The following NR1H4 variants were observed in gnomAD, a reference collection of about 807,000 sequenced individuals.
NR1H4 encodes the protein bile acid receptor.
NR1H4 carries 23 observed loss-of-function variants against 58.5 expected under a neutral mutation model. The ratio of observed to expected loss-of-function variants is 0.39; its 90% CI spans 0.28 to 0.56. NR1H4 has a LOEUF of 0.56. NR1H4 is among the 20% of genes least tolerant of loss of function. The pLI, the probability that NR1H4 is intolerant of heterozygous loss-of-function variation, is 0.58. For synonymous variants in NR1H4, 214 were observed against 198.0 expected (o/e 1.08, Z -0.68); for missense variants, 487 against 576.9 (o/e 0.84, Z 1.60).
chr12:100,481,520 T>TC (rs971197109), intron 1 of NR1H4, among the ~76,000 whole-genome samples: 3 of 152,280 alleles, frequency 2.0e-5, no homozygotes, highest in African/African-American at 4.8e-5. Context: ...ACTCCTGTAA[T>TC]CCCAGCACTT....
intron 9 of NR1H4, among the ~76,000 whole-genome samples, chr12:100,553,091 C>T (rs994809558): frequency 3.3e-5 from 5 of 152,020 alleles, no homozygotes; most frequent in Admixed American, 2.6e-4. Context: ...CTCCGTCTCT[C>T]GGGTTCAAGC....
intron 9 of NR1H4, among the ~76,000 whole-genome samples, chr12:100,559,414 A>G (rs1228278537): frequency 6.6e-6 from 1 of 152,186 alleles, no homozygotes; most frequent in Non-Finnish European, 1.5e-5. Context: ...GGCTGCGTGC[A>G]GCGCTTGCAG....
At chr12:100,538,396 A>C (rs1249891647) in intron 8 of NR1H4, among the ~76,000 whole-genome samples, 1 of 152,188 alleles carries the variant, frequency 6.6e-6, no homozygotes, top group Non-Finnish European at 1.5e-5. Context: ...AGAAACAAAA[A>C]GAAGAGAGAT....
At chr12:100,479,012 C>T (rs551430101) in intron 1 of NR1H4, among the ~76,000 whole-genome samples, 1 of 152,224 alleles carries the variant, frequency 6.6e-6, no homozygotes, top group Admixed American at 6.5e-5. Context: ...TGTTTACTGG[C>T]CACTTGTGTT....
intron 4 of NR1H4, among the ~76,000 whole-genome samples, chr12:100,518,472 T>A (rs573477104): frequency 1.1e-4 from 16 of 152,190 alleles, no homozygotes; most frequent in African/African-American, 3.6e-4. Flanking sequence ...TGATTTTGAT[T>A]TGAGACGTTG....
At chr12:100,517,615 T>C (rs1464384660) in intron 4 of NR1H4, among the ~76,000 whole-genome samples, 1 of 152,210 alleles carries the variant, frequency 6.6e-6, no homozygotes, top group African/African-American at 2.4e-5. Flanking sequence ...CATACTGTTT[T>C]CCATTATGAC....
At chr12:100,544,502 G>A (rs1465565695) in intron 9 of NR1H4, among the ~76,000 whole-genome samples, 2 of 152,022 alleles carry the variant, frequency 1.3e-5, no homozygotes, top group Admixed American at 6.6e-5. Flanking sequence ...TGTTGAAATA[G>A]ACTTCATAAC....
intron 3 of NR1H4, among the ~76,000 whole-genome samples, chr12:100,495,132 T>A (rs1953686239): frequency 6.6e-6 from 1 of 152,250 alleles, no homozygotes. Context: ...CTGTGCCTTC[T>A]GCTTTTATGG....
chr12:100,554,392 A>AACACACACACACACACAC (rs60582622), intron 9 of NR1H4, among the ~76,000 whole-genome samples: 4 of 148,104 alleles, frequency 2.7e-5, no homozygotes, highest in African/African-American at 9.9e-5. Context: ...ACTTGTAAAT[A>AACACACACACACACACAC]ACACACACAC....
In NR1H4 at chr12:100,504,918, T is replaced by C. The variant is rs537713777; in HGVS notation, c.80-5860T>C. Among the ~76,000 whole-genome samples the C allele has an allele frequency of 5.3e-5, 8 of 152,006 alleles. No individual in the cohort carries two copies. The East Asian group carries it at 1.6e-3, about 29-fold the overall frequency. ...GAAGTGTGTACAGAGGTAGGAGAGG[T>C]GAATTCCACCTGGGGGAACTGGGGC... On this transcript the variant is annotated intron_variant, in intron 3 of 10. Coordinates refer to ENST00000392986, the MANE Select transcript of NR1H4 (RefSeq NM_001206979.2).
intron 4 of NR1H4, among the ~76,000 whole-genome samples, chr12:100,521,452 C>T (rs1348795456): frequency 1.3e-5 from 2 of 152,130 alleles, no homozygotes; most frequent in East Asian, 3.9e-4. Flanking sequence ...AACCTCAAAC[C>T]TCAACCAACA....
At position 100,497,574 on chromosome 12, in the gene NR1H4, TC is replaced by T. The variant is rs951736593; in HGVS notation, c.79+4173del. On this transcript the variant is annotated intron_variant, in intron 3 of 10. Coordinates refer to ENST00000392986, the MANE Select transcript of NR1H4 (RefSeq NM_001206979.2). ...CAAATCCAGACGGAAATCTAGCCCG[TC>T]GGTAACTGAATCCACGTAGAGGCCT... is the stretch of plus-strand genomic sequence containing the variant. Among the ~76,000 whole-genome samples, 48 of 152,280 alleles carry T rather than the reference TC, an allele frequency of 3.2e-4. No individual in the cohort carries two copies. The Middle Eastern group carries it at 0.01, about 32-fold the overall frequency.
chr12:100,553,734 C>G (rs1371775674), intron 9 of NR1H4, among the ~76,000 whole-genome samples: 1 of 152,208 alleles, frequency 6.6e-6, no homozygotes, highest in Non-Finnish European at 1.5e-5. Context: ...CATCTTTCTG[C>G]TTTGCTATCC....
chr12:100,506,157 C>A (rs895017703), intron 3 of NR1H4, among the ~76,000 whole-genome samples: 2 of 152,052 alleles, frequency 1.3e-5, no homozygotes, highest in Non-Finnish European at 2.9e-5. Flanking sequence ...TATTAACTAT[C>A]AATTAACTAT....
chr12:100,536,928 GT>G lies in NR1H4; in HGVS notation c.832-13del. 1 of 1,353,352 alleles carries G rather than the reference GT, an allele frequency of 7.4e-7. No homozygotes were observed. Among genetic ancestry groups the G allele is most frequent in the Non-Finnish European group, 1.0e-6 (1 of 965,180 alleles). The allele number at this position is 1,353,352 out of a possible 1,614,324, so 83.8% of individuals were successfully genotyped here. On this transcript the variant is annotated intron_variant, in intron 7 of 10. Transcript: ENST00000392986. ...TTTCTTATCTACTTTTTAATCATTG[GT>G]TTTTTTCTTAAAATTTAGTTAAAAG...
At chr12:100,551,800 T>A (rs1209816295) in intron 9 of NR1H4, among the ~76,000 whole-genome samples, 2 of 152,224 alleles carry the variant, frequency 1.3e-5, no homozygotes, top group Non-Finnish European at 2.9e-5. Flanking sequence ...GGATACCAGT[T>A]AATGGCTGCT....
intron 9 of NR1H4, among the ~76,000 whole-genome samples, chr12:100,543,819 T>C (rs933548430): frequency 6.6e-6 from 1 of 152,130 alleles, no homozygotes. Context: ...TGGGTATAAT[T>C]GTTGTTTTAG....
chr12:100,507,111 A>G (rs1953985143), intron 3 of NR1H4, among the ~76,000 whole-genome samples: 1 of 152,198 alleles, frequency 6.6e-6, no homozygotes, highest in African/African-American at 2.4e-5. Context: ...TCGGTTTTTG[A>G]TCTTGGGCAA....
At chr12:100,552,772 G>A (rs1955231457) in intron 9 of NR1H4, among the ~76,000 whole-genome samples, 1 of 152,036 alleles carries the variant, frequency 6.6e-6, no homozygotes, top group Non-Finnish European at 1.5e-5. Context: ...AAAATAAAAT[G>A]TCTGGATGTG....
Sources: gnomAD v4.1 joint callset for allele counts (sites outside exome capture counted in the v4.1 genomes callset) on GRCh38, gnomAD v4.1.1 for gene constraint, MANE v1.5 for transcripts, NCBI Gene and HGNC (gene_info 2026-07-23, HGNC 2026-07-21) for gene names.